FAM217A: variants seen among roughly 807,000 people sequenced by gnomAD.
FAM217A encodes the protein family with sequence similarity 217 member A.
A neutral mutation model predicts 18.5 loss-of-function variants in FAM217A; 13 were observed. The ratio of observed to expected loss-of-function variants is 0.70; its 90% confidence interval spans 0.46 to 1.12. The LOEUF is 1.12. Among genes scored for constraint, FAM217A ranks in the 50% most tolerant of loss-of-function variants. FAM217A has a pLI of 0.00. For synonymous variants in FAM217A, 161 were observed against 202.8 expected (o/e 0.79, Z 1.75); for missense variants, 560 against 575.4 (o/e 0.97, Z 0.27).
At chr6:4,078,744 G>A in intron 1 of FAM217A, 108 bp downstream of exon 1, 1 of 403,898 alleles carries the variant, frequency 2.5e-6, no homozygotes, top group Non-Finnish European at 4.4e-6. Context: ...CCCGTGAAGA[G>A]GAATCCCCTT....
Position 4,077,417 on chromosome 6 carries a change from T to G in FAM217A, c.-3A>C. 1 of 1,614,214 alleles carries G rather than the reference T, an allele frequency of 6.2e-7. No homozygotes were observed. The highest frequency in any genetic ancestry group is 1.1e-5 in the South Asian group (1 of 91,088). On this transcript the variant is annotated 5_prime_UTR_variant, in exon 2 of 7. Coordinates refer to ENST00000274673, the MANE Select transcript of FAM217A (RefSeq NM_173563.3). ...CAGTTCTCATTTCTTCTCCCCATTT[T>G]GTTGTAGCTGTTGCTCTGTTTCCTT...
At chr6:4,071,224 G>A (rs1461918603) in intron 6 of FAM217A, among the ~76,000 whole-genome samples, 1 of 152,110 alleles carries the variant, frequency 6.6e-6, no homozygotes, top group Non-Finnish European at 1.5e-5. Flanking sequence ...TACCTTGGAG[G>A]TAGTCTGAGA....
chr6:4,074,707 TA>T, intron 2 of FAM217A, 46 bp from the exon 3 acceptor site: 1 of 1,392,242 alleles, frequency 7.2e-7, no homozygotes, highest in Non-Finnish European at 1.0e-6. Context: ...TAAGAAAACA[TA>T]AAAAGCTCAA....
In FAM217A at chr6:4,069,422, G is replaced by A. The variant is rs1195440692; in HGVS notation, c.801C>T (p.Ser267=). ...CTGTCACTTTCCAATTGTCAGATTT[G>A]GAGAGGGCTAAATTGTGCAAGTCTA... ...SALDLHNLAL[S]KSDNWKVTVD... Residue 267 remains serine (S), a synonymous_variant, in exon 7 of 7, where the codon TCC becomes TCT. Transcript: ENST00000274673. 1.2e-6 allele frequency: 2 copies of A among 1,614,162 alleles called. No homozygotes were observed. The highest frequency in any genetic ancestry group is 2.2e-5 in the East Asian group (1 of 44,884).
chr6:4,069,362 T>C lies in FAM217A; in HGVS notation c.861A>G (p.Ile287Met). The change falls in exon 7 of 7, where the codon ATA becomes ATG. Residue 287 changes from isoleucine (I) to methionine (M), a missense_variant. Ile to Met is a conservative substitution (Grantham distance 10). Transcript: ENST00000274673. ...ATCGTTCTAGTTCCAGTAAACGAGT[T>C]ATCAAGTGTTCAACAGAGGTTTCTG... is the stretch of plus-strand genomic sequence containing the variant. The part of the protein sequence containing the change: ...DPAETSVEHL[I>M]TRLLELERLQ... 6.2e-7 allele frequency: 1 copy of C among 1,614,184 alleles called. No homozygotes were observed. The highest frequency in any genetic ancestry group is 1.1e-5 in the South Asian group (1 of 91,082).
chr6:4,074,501 G>T (rs774659669), intron 3 of FAM217A, 45 bp from the exon 4 acceptor site: 1 of 1,579,424 alleles, frequency 6.3e-7, no homozygotes, highest in South Asian at 1.1e-5. Flanking sequence ...ACATAAAACT[G>T]ATTATATTCA....
upstream of FAM217A, among the ~76,000 whole-genome samples, chr6:4,083,525 A>G (rs1253679743): frequency 6.6e-6 from 1 of 151,414 alleles, no homozygotes; most frequent in African/African-American, 2.4e-5. Flanking sequence ...CGTACAGCAG[A>G]ATCTTTTTGT....
At chr6:4,082,750 A>G (rs1770383146), upstream of FAM217A, among the ~76,000 whole-genome samples, 2 of 152,244 alleles carry the variant, frequency 1.3e-5, no homozygotes, top group Admixed American at 1.3e-4. Context: ...GTTGAACCTA[A>G]GCATAAAAAT....
rs1276817338 is a variant in FAM217A, at chr6:4,084,925, TA to T, written c.19-116del. 2.4e-5 allele frequency: 15 copies of T among 629,688 alleles called. No individual in the cohort carries two copies. In the East Asian group the frequency reaches 3.5e-4, roughly 15 times the overall value. The allele number at this position is 629,688 out of a possible 1,614,324, so 39.0% of individuals were successfully genotyped here. A position where few individuals can be genotyped will look rare whatever the true frequency, so the allele number is the denominator to read the frequency against. ...GCTGCGCTGCGGGATCAATTTTAGT[TA>T]ATAATACACTGCTGGCACCTACGTG... On this transcript the variant is annotated intron_variant, in intron 1 of 8. Transcript: ENST00000639338.
At chr6:4,076,341 A>AG in intron 2 of FAM217A, among the ~76,000 whole-genome samples, 1 of 150,252 alleles carries the variant, frequency 6.7e-6, no homozygotes, top group Non-Finnish European at 1.5e-5. Context: ...AAAAAAAGAA[A>AG]AAAAAAAAAA....
chr6:4,082,856 T>A (rs768270708), upstream of FAM217A, among the ~76,000 whole-genome samples: 4 of 152,256 alleles, frequency 2.6e-5, no homozygotes, highest in Non-Finnish European at 5.9e-5. Flanking sequence ...CCAATTACTC[T>A]GCCTTTTGTA....
At position 4,077,409 on chromosome 6, in the gene FAM217A, C is replaced by T; in HGVS notation, c.6G>A (p.Gly2=). 1 of 1,614,178 alleles carries T rather than the reference C, an allele frequency of 6.2e-7. No individual in the cohort carries two copies. Among genetic ancestry groups the T allele is most frequent in the African/African-American group, 1.3e-5 (1 of 75,048 alleles). Residue 2 remains glycine (G), a synonymous_variant, in exon 2 of 7, where the codon GGG becomes GGA. Transcript: ENST00000274673. ...TGTTAGCACAGTTCTCATTTCTTCT[C>T]CCCATTTTGTTGTAGCTGTTGCTCT... is the stretch of plus-strand genomic sequence containing the variant. The part of the protein sequence containing the change: M[G]RRNENCANSL...
intron 6 of FAM217A, 150 bp from the exon 7 acceptor site, chr6:4,070,070 T>C: frequency 1.8e-6 from 1 of 560,644 alleles, no homozygotes; most frequent in East Asian, 3.0e-5. Context: ...CAGAAATATG[T>C]TAGTTTCCAA....
chr6:4,069,260 G>A lies in FAM217A; in HGVS notation c.963C>T (p.Pro321=). 1 of 1,614,170 alleles carries A rather than the reference G, an allele frequency of 6.2e-7. No homozygotes were observed. Among genetic ancestry groups the A allele is most frequent in the East Asian group, 2.2e-5 (1 of 44,882 alleles). Residue 321 remains proline, a synonymous_variant, in exon 7 of 7, where the codon CCC becomes CCT. Coordinates refer to ENST00000274673, the MANE Select transcript of FAM217A (RefSeq NM_173563.3). ...TFCTPAVTER[P]SSSKATPKVR... ...CTTTTGGTGTAGCTTTGGAGGAAGA[G>A]GGTCGTTCAGTAACTGCTGGAGTAC...
At chr6:4,071,319 AT>A (rs1407110952) in intron 6 of FAM217A, among the ~76,000 whole-genome samples, 1 of 152,226 alleles carries the variant, frequency 6.6e-6, no homozygotes, top group Non-Finnish European at 1.5e-5. Context: ...TGTTGATGGT[AT>A]ATTGAGGAGA....
At chr6:4,085,748 A>C (rs1770615772) in intron 1 of FAM217A, among the ~76,000 whole-genome samples, 1 of 152,236 alleles carries the variant, frequency 6.6e-6, no homozygotes, top group Admixed American at 6.5e-5. Flanking sequence ...AACATATTTT[A>C]AATATGTACT....
At chr6:4,072,348 CAAAA>C (rs1183890765) in intron 6 of FAM217A, among the ~76,000 whole-genome samples, 1 of 150,524 alleles carries the variant, frequency 6.6e-6, no homozygotes, top group African/African-American at 2.4e-5. Flanking sequence ...CACACACACA[CAAAA>C]AAAGAATTAA....
upstream of FAM217A, chr6:4,087,162 G>A (rs1581913943): frequency 2.2e-5 from 10 of 462,434 alleles, no homozygotes; most frequent in East Asian, 3.5e-4. Flanking sequence ...CTTCTACAAA[G>A]TACCAGATGG....
chr6:4,079,419 A>C (rs1309158419), upstream of FAM217A: 1 of 320,946 alleles, frequency 3.1e-6, no homozygotes, highest in Non-Finnish European at 6.1e-6. Context: ...GCCTCGCGGG[A>C]AAGCCTGAGC....
Sources: allele counts gnomAD v4.1 joint callset (sites outside exome capture counted in the v4.1 genomes callset), GRCh38; gene constraint gnomAD v4.1.1; transcripts MANE v1.5; gene names NCBI Gene and HGNC (gene_info 2026-07-23, HGNC 2026-07-21).